Variants in SLC24A2 observed in about 807,000 individuals in gnomAD.
The protein encoded by SLC24A2 is solute carrier family 24 member 2, also known as sodium/potassium/calcium exchanger 2.
In SLC24A2, 36 loss-of-function variants were observed where a neutral mutation model predicts 62.0. The ratio of observed to expected loss-of-function variants is 0.58; its 90% CI spans 0.44 to 0.77. The LOEUF (loss-of-function observed/expected upper bound fraction) is 0.77, where lower values mean the gene tolerates loss of function less well. Among genes scored for constraint, SLC24A2 ranks in the 30% least tolerant of loss-of-function variants. The probability of loss-of-function intolerance (pLI) is 0.00; values close to 1 mark genes in which losing one functional copy is unlikely to be tolerated. For synonymous variants in SLC24A2, 358 were observed against 294.0 expected, an observed-to-expected ratio of 1.22 and a Z score of -2.23; for missense variants, 846 against 817.9, an observed-to-expected ratio of 1.03 and a Z score of -0.42.
the SLC24A2 span, among the ~76,000 whole-genome samples, chr9:20,122,556 TGG>T: frequency 4.6e-5 from 7 of 151,952 alleles, no homozygotes; most frequent in Non-Finnish European, 1.0e-4. Context: ...GGCATGGTGG[TGG>T]GCACCTGTAA....
the SLC24A2 span, among the ~76,000 whole-genome samples, chr9:20,104,096 T>C: frequency 6.6e-6 from 1 of 152,062 alleles, no homozygotes; most frequent in Non-Finnish European, 1.5e-5. Context: ...AGAAAGGGTA[T>C]CAGTGATGGA....
the SLC24A2 span, among the ~76,000 whole-genome samples, chr9:20,282,113 G>T: frequency 6.6e-6 from 1 of 152,134 alleles, no homozygotes; most frequent in Admixed American, 6.5e-5. Flanking sequence ...GGAGGAGAAA[G>T]ATTATTTAAA....
At chr9:20,090,534 A>G in the SLC24A2 span, among the ~76,000 whole-genome samples, 1 of 152,264 alleles carries the variant, frequency 6.6e-6, no homozygotes, top group South Asian at 2.1e-4. Context: ...ACCGACCACT[A>G]TAGCTAAGCA....
chr9:19,775,745 C>G lies in SLC24A2; in HGVS notation c.930+10192G>C, dbSNP rs369177133. On this transcript the variant is annotated intron_variant, in intron 2 of 10. Transcript: ENST00000341998. ...CCTTTGCGGAATTAAGAAAAGGCAC[C>G]CCTTCCTCTAGGCAGCCACAGTCCC... Among the ~76,000 whole-genome samples, 3 of 152,260 alleles carry G rather than the reference C, an allele frequency of 2.0e-5. No homozygotes were observed. The East Asian group carries it at 5.8e-4, about 29-fold the overall frequency.
At chr9:20,107,910 C>A in the SLC24A2 span, among the ~76,000 whole-genome samples, 1 of 152,048 alleles carries the variant, frequency 6.6e-6, no homozygotes, top group African/African-American at 2.4e-5. Flanking sequence ...GAACAGGCAA[C>A]CTACAAAATG....
At chr9:20,302,973 T>G in the SLC24A2 span, among the ~76,000 whole-genome samples, 833 of 152,296 alleles carry the variant, frequency 5.5e-3, 12 homozygotes, top group Admixed American at 0.032. Flanking sequence ...AAAAGAGAAA[T>G]GGAGTCTCAA....
rs369879617 is a variant in SLC24A2 at position 19,525,196 on chromosome 9, CA to C, written c.1569+2852del. ...GGAAGAGTAATCTGAAGTCAAATGT[CA>C]GTAAAATAACTGTGATATGAATAAT... is the stretch of plus-strand genomic sequence containing the variant. On this transcript the variant is annotated intron_variant, in intron 9 of 10. Transcript: ENST00000341998. Among the ~76,000 whole-genome samples, 434 of 151,970 alleles carry C rather than the reference CA, an allele frequency of 2.9e-3. 2 individuals carry two copies. The highest frequency in any genetic ancestry group is 8.3e-3 in the African/African-American group (344 of 41,442).
intron 8 of SLC24A2, 128 bp downstream of exon 8, chr9:19,550,009 G>A: frequency 1.1e-6 from 1 of 871,428 alleles, no homozygotes; most frequent in Non-Finnish European, 1.9e-6. Context: ...ACCTATTTAT[G>A]GGGTATATGT....
chr9:19,755,400 C>A (rs949905017), intron 2 of SLC24A2, among the ~76,000 whole-genome samples: 16 of 152,226 alleles, frequency 1.1e-4, no homozygotes, highest in African/African-American at 3.9e-4. Flanking sequence ...AAGTAGAACA[C>A]CCCAAATTCT....
the SLC24A2 span, among the ~76,000 whole-genome samples, chr9:20,147,599 G>C: frequency 6.6e-6 from 1 of 152,082 alleles, no homozygotes; most frequent in Admixed American, 6.6e-5. Flanking sequence ...CCAACTCATA[G>C]GCTTCAACCC....
At chr9:19,876,202 T>C in the SLC24A2 span, among the ~76,000 whole-genome samples, 1 of 152,204 alleles carries the variant, frequency 6.6e-6, no homozygotes, top group Non-Finnish European at 1.5e-5. Flanking sequence ...GTGAATGTGG[T>C]TCAGTGGCCA....
chr9:20,150,807 A>C, the SLC24A2 span, among the ~76,000 whole-genome samples: 11 of 152,124 alleles, frequency 7.2e-5, no homozygotes, highest in South Asian at 2.3e-3. Context: ...AAAAATAAAT[A>C]TAGTATGATT....
intron 2 of SLC24A2, among the ~76,000 whole-genome samples, chr9:19,751,932 A>C (rs1311947981): frequency 6.6e-6 from 1 of 152,234 alleles, no homozygotes; most frequent in Non-Finnish European, 1.5e-5. Flanking sequence ...TAATCTTCAA[A>C]GACAGAATGA....
intron 8 of SLC24A2, among the ~76,000 whole-genome samples, chr9:19,531,638 A>AT (rs1271619791): frequency 6.6e-6 from 1 of 152,050 alleles, no homozygotes; most frequent in Non-Finnish European, 1.5e-5. Context: ...AATTCAACAA[A>AT]TATTCACTCA....
chr9:19,548,098 C>G (rs1265695178), intron 8 of SLC24A2, among the ~76,000 whole-genome samples: 1 of 151,600 alleles, frequency 6.6e-6, no homozygotes, highest in Non-Finnish European at 1.5e-5. Context: ...TTCTTGTTGT[C>G]TACTTGACAA....
At position 19,517,959 on chromosome 9, in the gene SLC24A2, T is replaced by TCTCACACA. The variant is rs1554666880; in HGVS notation, c.1737-1558_1737-1557insTGTGTGAG. 1.1e-4 allele frequency among the ~76,000 whole-genome samples: 15 copies of TCTCACACA among 132,832 alleles called. 2 individuals are homozygous for TCTCACACA. The South Asian group carries it at 1.7e-3, about 15-fold the overall frequency. 87.1% of individuals were successfully genotyped at this position (132,832 alleles called of 152,430 possible). ...CACACACACACACACACACACACAC[T>TCTCACACA]CTCACACTTCTAGTGAAGTTGAGTT... On this transcript the variant is annotated intron_variant, in intron 10 of 10. Transcript: ENST00000341998.
chr9:20,011,396 C>A, the SLC24A2 span, among the ~76,000 whole-genome samples: 1 of 152,086 alleles, frequency 6.6e-6, no homozygotes, highest in African/African-American at 2.4e-5. Context: ...CTTTTGGCTG[C>A]ATAAATGTCT....
intron 4 of SLC24A2, among the ~76,000 whole-genome samples, chr9:19,602,516 A>G (rs1418531809): frequency 6.6e-6 from 1 of 152,260 alleles, no homozygotes; most frequent in Non-Finnish European, 1.5e-5. Context: ...AACATCAGGT[A>G]CATTGAGACC....
chr9:20,079,554 G>T, the SLC24A2 span, among the ~76,000 whole-genome samples: 7,681 of 152,198 alleles, frequency 0.05, 635 homozygotes, highest in African/African-American at 0.17. Context: ...CTCCTCCCTG[G>T]AACAGGACAT....
Sources: allele counts gnomAD v4.1 joint callset (sites outside exome capture counted in the v4.1 genomes callset), GRCh38; gene constraint gnomAD v4.1.1; transcripts MANE v1.5; gene names NCBI Gene and HGNC (gene_info 2026-07-23, HGNC 2026-07-21).